The following CAP2 variants were observed in gnomAD, a reference collection of about 807,000 sequenced individuals.
CAP2 encodes the protein adenylyl cyclase-associated protein 2.
In CAP2, 24 loss-of-function variants were observed where a neutral mutation model predicts 57.7. That is an observed-to-expected ratio of 0.42 (90% CI 0.30 to 0.58). The LOEUF is 0.58. Among genes scored for constraint, CAP2 ranks in the 20% least tolerant of loss-of-function variants. The probability of loss-of-function intolerance (pLI) is 0.22; values close to 1 mark genes in which losing one functional copy is unlikely to be tolerated. For missense variants in CAP2, 501 were observed against 590.3 expected (o/e 0.85, Z 1.57); for synonymous variants, 194 against 207.2 (o/e 0.94, Z 0.55).
intron 4 of CAP2, among the ~76,000 whole-genome samples, chr6:17,472,537 A>G (rs1761047220): frequency 6.6e-6 from 1 of 152,240 alleles, no homozygotes; most frequent in Admixed American, 6.5e-5. Context: ...TTTTATGTAA[A>G]CAGCAGCTTT....
chr6:17,512,158 G>A (rs953262234), intron 6 of CAP2, among the ~76,000 whole-genome samples: 2 of 152,136 alleles, frequency 1.3e-5, no homozygotes, highest in Non-Finnish European at 2.9e-5. Context: ...GGGAGGCTGA[G>A]GAGGGAAGAT....
At chr6:17,498,096 T>A (rs766055931) in intron 4 of CAP2, among the ~76,000 whole-genome samples, 3 of 152,242 alleles carry the variant, frequency 2.0e-5, no homozygotes, top group Non-Finnish European at 4.4e-5. Context: ...ACACATCATG[T>A]CAACAGAACT....
At chr6:17,429,425 T>TAAATTCTATATTTATATATA (rs1326288145) in intron 3 of CAP2, among the ~76,000 whole-genome samples, 1 of 152,100 alleles carries the variant, frequency 6.6e-6, no homozygotes, top group Non-Finnish European at 1.5e-5. Context: ...AAGAGAATAA[T>TAAATTCTATATTTATATATA]GAGACCTATA....
At position 17,551,581 on chromosome 6, in the gene CAP2, C is replaced by T. The variant is rs1411825956; in HGVS notation, c.1327C>T (p.Leu443Phe). 1.2e-6 allele frequency: 2 copies of T among 1,610,088 alleles called. No individual in the cohort carries two copies. Among genetic ancestry groups the T allele is most frequent in the East Asian group, 2.2e-5 (1 of 44,790 alleles). ...VSAKSSEMNI[L>F]IPQDGDYREF... ...CGCCAAGTCATCTGAAATGAACATA[C>T]TTATCCCTCAGGATGGTGATTATGT... The change falls in exon 12 of 13, where the codon CTT (leucine) becomes TTT (phenylalanine). Residue 443 changes from leucine to phenylalanine, a missense_variant. Transcript: ENST00000229922.
chr6:17,448,855 A>G (rs778442050), intron 3 of CAP2, among the ~76,000 whole-genome samples: 6 of 151,442 alleles, frequency 4.0e-5, no homozygotes, highest in Non-Finnish European at 7.4e-5. Context: ...TCCGTTTCCC[A>G]GGTTCAAGAG....
At chr6:17,432,775 C>T (rs1342000467) in intron 3 of CAP2, among the ~76,000 whole-genome samples, 1 of 151,670 alleles carries the variant, frequency 6.6e-6, no homozygotes, top group African/African-American at 2.4e-5. Flanking sequence ...CCTTTCTTCT[C>T]CCTCTTTTCT....
intron 10 of CAP2, 32 bp downstream of exon 10, chr6:17,542,992 T>A: frequency 6.2e-7 from 1 of 1,613,044 alleles, no homozygotes; most frequent in Non-Finnish European, 8.5e-7. Context: ...ATGGTTATTA[T>A]GATGTTTTAT....
At chr6:17,448,939 T>C (rs927261050) in intron 3 of CAP2, among the ~76,000 whole-genome samples, 1 of 152,192 alleles carries the variant, frequency 6.6e-6, no homozygotes, top group Non-Finnish European at 1.5e-5. Flanking sequence ...TTTTTGTATG[T>C]TTAGTAAAGA....
Position 17,405,495 on chromosome 6 carries a change from G to A in CAP2, c.-2+11749G>A, listed in dbSNP as rs577675895. Among the ~76,000 whole-genome samples the A allele has an allele frequency of 4.3e-4, 56 of 129,782 alleles. 1 individual carries two copies. The East Asian group carries it at 4.4e-3, about 10-fold the overall frequency. 85.1% of individuals were successfully genotyped at this position (129,782 alleles called of 152,430 possible). ...ACCATAATAAAGGTTATGTGAATGTGGAGTCTCTCTCTCTCTCTCTCTCTC... is the reference window on the plus strand; with the variant it reads ...ACCATAATAAAGGTTATGTGAATGTAGAGTCTCTCTCTCTCTCTCTCTCTC... On this transcript the variant is annotated intron_variant, in intron 1 of 12. Transcript: ENST00000229922.
chr6:17,531,853 A>T (rs1465215924), intron 7 of CAP2, among the ~76,000 whole-genome samples: 1 of 152,130 alleles, frequency 6.6e-6, no homozygotes, highest in Non-Finnish European at 1.5e-5. Context: ...GCACCCCAGC[A>T]TCCCTCATGC....
chr6:17,511,655 T>C (rs1762155617), intron 6 of CAP2, among the ~76,000 whole-genome samples: 1 of 152,150 alleles, frequency 6.6e-6, no homozygotes, highest in Non-Finnish European at 1.5e-5. Context: ...AGTTTCGCCA[T>C]GTTGGTCAGG....
intron 4 of CAP2, among the ~76,000 whole-genome samples, chr6:17,495,756 G>A (rs1761647199): frequency 6.6e-6 from 1 of 152,072 alleles, no homozygotes. Flanking sequence ...GCAATTTAGT[G>A]GCTTTTTTCC....
chr6:17,469,616 G>A (rs958506491), intron 4 of CAP2, among the ~76,000 whole-genome samples: 3 of 152,114 alleles, frequency 2.0e-5, no homozygotes, highest in South Asian at 2.1e-4. Context: ...GACAGAGAGC[G>A]CGTTTCTACT....
chr6:17,491,333 T>A (rs1351017514), intron 4 of CAP2, among the ~76,000 whole-genome samples: 1 of 152,220 alleles, frequency 6.6e-6, no homozygotes, highest in Non-Finnish European at 1.5e-5. Flanking sequence ...TTACCGCATA[T>A]CGTGGGCACC....
chr6:17,396,449 C>T (rs779190648), intron 1 of CAP2, among the ~76,000 whole-genome samples: 4 of 152,044 alleles, frequency 2.6e-5, no homozygotes, highest in East Asian at 1.9e-4. Context: ...ATCCATACAG[C>T]GAGATATTAT....
chr6:17,460,040 G>A (rs142601999), intron 3 of CAP2, among the ~76,000 whole-genome samples: 1 of 152,264 alleles, frequency 6.6e-6, no homozygotes, highest in East Asian at 1.9e-4. Flanking sequence ...ACATATCTTA[G>A]TGAAGCTATT....
At chr6:17,500,143 C>T (rs1481512625) in intron 4 of CAP2, among the ~76,000 whole-genome samples, 1 of 149,830 alleles carries the variant, frequency 6.7e-6, no homozygotes, top group African/African-American at 2.4e-5. Context: ...CCAAAATGTT[C>T]CTGGACAGTA....
At chr6:17,547,574 G>A (rs1278819359) in intron 11 of CAP2, among the ~76,000 whole-genome samples, 5 of 152,182 alleles carry the variant, frequency 3.3e-5, no homozygotes, top group Non-Finnish European at 5.9e-5. Flanking sequence ...GGGCACGGTG[G>A]CTCACGCCTG....
At chr6:17,463,458 T>G (rs1025928856) in intron 4 of CAP2, among the ~76,000 whole-genome samples, 4 of 152,194 alleles carry the variant, frequency 2.6e-5, no homozygotes, top group Non-Finnish European at 5.9e-5. Flanking sequence ...AAGGAAATGT[T>G]TATAACTAAT....
Sources: gnomAD v4.1 joint callset for allele counts (sites outside exome capture counted in the v4.1 genomes callset) on GRCh38, gnomAD v4.1.1 for gene constraint, MANE v1.5 for transcripts, NCBI Gene and HGNC (gene_info 2026-07-23, HGNC 2026-07-21) for gene names.